RALYL: variants seen among roughly 807,000 people sequenced by gnomAD.
RALYL encodes the protein RNA-binding Raly-like protein.
RALYL carries 29 observed loss-of-function variants against 35.1 expected under a neutral mutation model. The ratio of observed to expected loss-of-function variants is 0.83; its 90% CI spans 0.61 to 1.13. The LOEUF (loss-of-function observed/expected upper bound fraction) is 1.13, where lower values mean the gene tolerates loss of function less well. RALYL is among the 50% of genes most tolerant of loss of function. RALYL has a pLI of 0.00. For synonymous variants in RALYL, 120 were observed against 127.6 expected (o/e 0.94, Z 0.40); for missense variants, 359 against 360.4 (o/e 1.00, Z 0.03).
At chr8:84,459,031 T>C (rs577998794) in intron 1 of RALYL, among the ~76,000 whole-genome samples, 10 of 151,820 alleles carry the variant, frequency 6.6e-5, no homozygotes, top group African/African-American at 2.4e-4. Flanking sequence ...CATTTGTTAC[T>C]AAAAAATCTT....
At chr8:84,437,699 T>C (rs2047892257) in intron 1 of RALYL, among the ~76,000 whole-genome samples, 1 of 152,064 alleles carries the variant, frequency 6.6e-6, no homozygotes. Flanking sequence ...GGTGTTTAGA[T>C]CATGAAGATA....
At chr8:84,452,931 T>G (rs2049672587) in intron 1 of RALYL, among the ~76,000 whole-genome samples, 1 of 151,962 alleles carries the variant, frequency 6.6e-6, no homozygotes, top group Admixed American at 6.6e-5. Flanking sequence ...TGATTTTATA[T>G]TCTTGATATA....
chr8:84,460,504 T>C (rs972783205), intron 1 of RALYL, among the ~76,000 whole-genome samples: 1 of 151,644 alleles, frequency 6.6e-6, no homozygotes, highest in Non-Finnish European at 1.5e-5. Flanking sequence ...CAAAAACTCT[T>C]TATGGATGTA....
intron 1 of RALYL, among the ~76,000 whole-genome samples, chr8:84,491,341 C>T (rs1225505111): frequency 6.6e-6 from 1 of 151,912 alleles, no homozygotes; most frequent in African/African-American, 2.4e-5. Flanking sequence ...TTCTTACTCT[C>T]TCTAATCTTA....
chr8:84,854,966 G>A (rs950081121), intron 5 of RALYL, among the ~76,000 whole-genome samples: 6 of 152,156 alleles, frequency 3.9e-5, no homozygotes, highest in Admixed American at 1.3e-4. Context: ...TTGAGGGAGC[G>A]TGGAGTGGCT....
At chr8:84,384,909 T>C (rs991881770) in intron 1 of RALYL, among the ~76,000 whole-genome samples, 1 of 151,832 alleles carries the variant, frequency 6.6e-6, no homozygotes, top group African/African-American at 2.4e-5. Context: ...AGGCTACCTA[T>C]GCCTCTACTC....
rs189752521 is a variant in RALYL at position 84,540,345 on chromosome 8, A to T, written c.256+10768A>T. Among the ~76,000 whole-genome samples, 3 of 151,060 alleles carry T rather than the reference A, an allele frequency of 2.0e-5. No individual in the cohort carries two copies. In the Admixed American group the frequency reaches 2.0e-4, roughly 10 times the overall value. Reference sequence around the variant, plus strand: ...TGTGTGTGTGTGTGTGTGTATGTGTAAACTTTCTATTAAATTAAGGAAGTT... The same window carrying T: ...TGTGTGTGTGTGTGTGTGTATGTGTTAACTTTCTATTAAATTAAGGAAGTT... On this transcript the variant is annotated intron_variant, in intron 2 of 8. Transcript: ENST00000521268.
At chr8:84,333,718 G>A (rs1442799408) in intron 1 of RALYL, among the ~76,000 whole-genome samples, 2 of 152,134 alleles carry the variant, frequency 1.3e-5, no homozygotes, top group East Asian at 3.8e-4. Context: ...CACAGCTTAG[G>A]TGAGAGTTGG....
At chr8:84,336,713 T>C (rs567279629) in intron 1 of RALYL, among the ~76,000 whole-genome samples, 2 of 152,218 alleles carry the variant, frequency 1.3e-5, no homozygotes, top group African/African-American at 4.8e-5. Flanking sequence ...TTATTTCCTT[T>C]TCGTGGTATT....
At chr8:84,829,832 T>C (rs992135349) in intron 4 of RALYL, among the ~76,000 whole-genome samples, 4 of 151,922 alleles carry the variant, frequency 2.6e-5, no homozygotes, top group African/African-American at 9.7e-5. Context: ...AATCAATACA[T>C]AAACTTGCTG....
chr8:84,731,664 C>T (rs554960015), intron 2 of RALYL, among the ~76,000 whole-genome samples: 1 of 152,198 alleles, frequency 6.6e-6, no homozygotes, highest in South Asian at 2.1e-4. Flanking sequence ...TGTTATTTTC[C>T]TGCTACAGTT....
intron 3 of RALYL, among the ~76,000 whole-genome samples, chr8:84,781,395 G>A (rs778975706): frequency 1.1e-4 from 16 of 152,034 alleles, no homozygotes; most frequent in Non-Finnish European, 1.6e-4. Context: ...GTTCTGCTGC[G>A]GGCAATTCTC....
intron 1 of RALYL, among the ~76,000 whole-genome samples, chr8:84,478,814 C>A (rs2053700835): frequency 6.6e-6 from 1 of 151,528 alleles, no homozygotes; most frequent in South Asian, 2.1e-4. Context: ...AGGCTGGGCG[C>A]AGTGGCTCAC....
At chr8:84,516,838 C>T (rs115698929) in intron 1 of RALYL, among the ~76,000 whole-genome samples, 135 of 152,012 alleles carry the variant, frequency 8.9e-4, no homozygotes, top group African/African-American at 2.6e-3. Flanking sequence ...ATTTTAATAC[C>T]GATATTTGTA....
intron 2 of RALYL, among the ~76,000 whole-genome samples, chr8:84,688,920 T>C (rs1837411018): frequency 6.6e-6 from 1 of 151,998 alleles, no homozygotes; most frequent in Admixed American, 6.6e-5. Flanking sequence ...TCGAAAGAAT[T>C]TCTCAAGAGA....
chr8:84,746,228 A>G (rs1007408586), intron 2 of RALYL, among the ~76,000 whole-genome samples: 5 of 152,076 alleles, frequency 3.3e-5, no homozygotes, highest in South Asian at 2.1e-4. Flanking sequence ...AAAACAATCA[A>G]TGTTTTCCAA....
chr8:84,466,779 C>G (rs1452511819), intron 1 of RALYL, among the ~76,000 whole-genome samples: 1 of 150,604 alleles, frequency 6.6e-6, no homozygotes, highest in Non-Finnish European at 1.5e-5. Context: ...GTCCTGGACT[C>G]TTTTGGTTGG....
intron 1 of RALYL, among the ~76,000 whole-genome samples, chr8:84,194,033 G>A (rs1376630105): frequency 2.0e-5 from 3 of 152,218 alleles, no homozygotes; most frequent in African/African-American, 4.8e-5. Context: ...AATAGAATGA[G>A]AGTAGTGCAA....
chr8:84,704,709 G>A (rs1840878364), intron 2 of RALYL, among the ~76,000 whole-genome samples: 1 of 152,078 alleles, frequency 6.6e-6, no homozygotes, highest in South Asian at 2.1e-4. Flanking sequence ...TCTTACCAAA[G>A]AGTTTAGTTC....
Sources: allele counts gnomAD v4.1 joint callset (sites outside exome capture counted in the v4.1 genomes callset), GRCh38; gene constraint gnomAD v4.1.1; transcripts MANE v1.5; gene names NCBI Gene and HGNC (gene_info 2026-07-23, HGNC 2026-07-21).